AFMID: variants seen among roughly 807,000 people sequenced by gnomAD.
The protein encoded by AFMID is arylformamidase.
A neutral mutation model predicts 47.5 loss-of-function variants in AFMID; 39 were observed. The observed-to-expected ratio is 0.82, with a 90% CI of 0.64 to 1.07. The LOEUF (loss-of-function observed/expected upper bound fraction) is 1.07, where lower values mean the gene tolerates loss of function less well. Ranked by LOEUF, AFMID falls within the 50% of genes least tolerant of loss-of-function variation. AFMID has a pLI of 0.00. For missense variants in AFMID, 375 were observed against 387.5 expected (o/e 0.97, Z 0.27); for synonymous variants, 130 against 153.2 (o/e 0.85, Z 1.12).
intron 2 of AFMID, among the ~76,000 whole-genome samples, chr17:78,195,788 G>A (rs530506214): frequency 1.3e-5 from 2 of 152,170 alleles, no homozygotes; most frequent in South Asian, 2.1e-4. Context: ...GAGCCACCAC[G>A]CCCGGCCTTG....
chr17:78,202,942 T>C, intron 4 of AFMID, 191 bp downstream of exon 4: 1 of 663,268 alleles, frequency 1.5e-6, no homozygotes, highest in South Asian at 1.8e-5. Context: ...CCTTCCTGCC[T>C]TCTCCAGCTT....
At position 78,205,164 on chromosome 17, in the gene AFMID, A is replaced by C. The variant is rs1599016299; in HGVS notation, c.539A>C (p.Lys180Thr). 5 of 1,612,784 alleles carry C rather than the reference A, an allele frequency of 3.1e-6. No individual in the cohort carries two copies. Among genetic ancestry groups the C allele is most frequent in the Non-Finnish European group, 4.2e-6 (5 of 1,179,506 alleles). Reference sequence around the variant, plus strand: ...ATGATGCTCCTGGCCGACTGGACCAAGCATGGGGTCACGCCCAACCTCAGA... The same window carrying C: ...ATGATGCTCCTGGCCGACTGGACCACGCATGGGGTCACGCCCAACCTCAGA... Reference protein sequence around the residue: ...AAMMLLADWTKHGVTPNLRGF... With the variant: ...AAMMLLADWTTHGVTPNLRGF... The change falls in exon 7 of 11, where the codon AAG (lysine) becomes ACG (threonine). Residue 180 changes from lysine to threonine, a missense_variant. Transcript: ENST00000409257.
At chr17:78,188,372 G>T (rs1241798433) in intron 1 of AFMID, among the ~76,000 whole-genome samples, 7 of 152,224 alleles carry the variant, frequency 4.6e-5, no homozygotes, top group Admixed American at 1.3e-4. Context: ...TGACTGGCTT[G>T]CTTTATTTTA....
chr17:78,205,735 C>T lies in AFMID; in HGVS notation c.777C>T (p.Tyr259=). The change falls in exon 9 of 11, where the codon TAC becomes TAT. Residue 259 remains tyrosine (Y), a synonymous_variant. Transcript: ENST00000409257. ...TCCACCGACAGTCCTGGGAGTTTTA[C>T]CAGGTACTCCCAGTGCAGGTTTGTG... is the stretch of plus-strand genomic sequence containing the variant. ...PEFHRQSWEF[Y]QTLCQGEWKA... is the part of the protein sequence containing the mutation. 6.2e-7 allele frequency: 1 copy of T among 1,608,784 alleles called. No homozygotes were observed. The highest frequency in any genetic ancestry group is 1.1e-5 in the South Asian group (1 of 91,080).
intron 2 of AFMID, among the ~76,000 whole-genome samples, chr17:78,192,445 G>T (rs1413323179): frequency 6.6e-6 from 1 of 151,250 alleles, no homozygotes; most frequent in Non-Finnish European, 1.5e-5. Context: ...CTCCTGAGTA[G>T]CTGGGATTAC....
intron 1 of AFMID, 129 bp from the exon 2 acceptor site, chr17:78,190,841 C>A: frequency 1.3e-6 from 1 of 752,064 alleles, no homozygotes; most frequent in Non-Finnish European, 2.2e-6. Context: ...CTGAGGGCAT[C>A]TTGGAGACCC....
At chr17:78,201,753 T>C (rs936646206) in intron 2 of AFMID, among the ~76,000 whole-genome samples, 2 of 152,008 alleles carry the variant, frequency 1.3e-5, no homozygotes, top group Non-Finnish European at 2.9e-5. Context: ...TTTTTTGAGT[T>C]GGCGTCTCGC....
chr17:78,199,549 A>G (rs1450403552), intron 2 of AFMID, among the ~76,000 whole-genome samples: 4 of 151,122 alleles, frequency 2.6e-5, no homozygotes, highest in African/African-American at 9.7e-5. Context: ...TAATTTTTGT[A>G]TTTTTAGTAG....
At chr17:78,190,764 A>G (rs2075944006) in intron 1 of AFMID, 1 of 524,880 alleles carries the variant, frequency 1.9e-6, no homozygotes, top group African/African-American at 1.9e-5. Flanking sequence ...GGGGGACCTC[A>G]TCTCCCCTTA....
chr17:78,199,398 GACA>G, intron 2 of AFMID, among the ~76,000 whole-genome samples: 1 of 144,190 alleles, frequency 6.9e-6, no homozygotes, highest in East Asian at 2.3e-4. Flanking sequence ...TTTTTTTTGA[GACA>G]GTCTTGCTCT....
At position 78,207,571 on chromosome 17, in the gene AFMID, T is replaced by C. The variant is rs60968356; in HGVS notation, c.*634T>C. 14,291 of 152,402 alleles carry C rather than the reference T, an allele frequency of 0.094. 896 individuals are homozygous for C. The highest frequency in any genetic ancestry group is 0.34 in the East Asian group (1,779 of 5,180). The allele number at this position is 152,402 out of a possible 1,614,324, so 9.4% of individuals were successfully genotyped here. A position where few individuals can be genotyped will look rare whatever the true frequency, so the allele number is the denominator to read the frequency against. On this transcript the variant is annotated 3_prime_UTR_variant, in exon 11 of 11. Transcript: ENST00000409257. Reference sequence around the variant, plus strand: ...TGCTGGGATTCCAGGCGTGAGCCACTGCGCCCGGCCAGAATGGCATTATAT... The same window carrying C: ...TGCTGGGATTCCAGGCGTGAGCCACCGCGCCCGGCCAGAATGGCATTATAT...
At chr17:78,198,991 AC>A (rs1567849551) in intron 2 of AFMID, among the ~76,000 whole-genome samples, 2 of 152,030 alleles carry the variant, frequency 1.3e-5, no homozygotes, top group Non-Finnish European at 2.9e-5. Flanking sequence ...ACACAGTTCC[AC>A]CCTGCCAGTT....
At chr17:78,187,987 A>AAAAAAAAAAAAAAAC (rs2075847157) in intron 1 of AFMID, among the ~76,000 whole-genome samples, 1 of 144,418 alleles carries the variant, frequency 6.9e-6, no homozygotes, top group African/African-American at 2.5e-5. Flanking sequence ...AAAAAAAAAA[A>AAAAAAAAAAAAAAAC]AATCCATAGA....
chr17:78,202,638 G>T (rs755674077), intron 3 of AFMID, 35 bp downstream of exon 3: 2 of 1,589,772 alleles, frequency 1.3e-6, no homozygotes, highest in South Asian at 2.3e-5. Context: ...CCCGGGGCTT[G>T]GGGGTCCAGT....
At chr17:78,188,716 C>A (rs1167709965) in intron 1 of AFMID, among the ~76,000 whole-genome samples, 1 of 152,192 alleles carries the variant, frequency 6.6e-6, no homozygotes, top group African/African-American at 2.4e-5. Context: ...CCGGCCTCAG[C>A]CTCCTGAGTA....
At chr17:78,199,142 C>T (rs956083355) in intron 2 of AFMID, among the ~76,000 whole-genome samples, 3 of 152,236 alleles carry the variant, frequency 2.0e-5, no homozygotes, top group South Asian at 4.1e-4. Context: ...ACCTCACTGG[C>T]GTTCTGCAAA....
At chr17:78,198,051 A>T (rs1034208532) in intron 2 of AFMID, among the ~76,000 whole-genome samples, 1 of 152,158 alleles carries the variant, frequency 6.6e-6, no homozygotes, top group African/African-American at 2.4e-5. Context: ...CAACATGGCG[A>T]AACCCTGTCC....
intron 2 of AFMID, chr17:78,197,294 A>C (rs753388157): frequency 1.5e-6 from 2 of 1,299,274 alleles, no homozygotes; most frequent in South Asian, 2.7e-5. Context: ...CACAGTGACA[A>C]ATGCGTCTGC....
At position 78,206,056 on chromosome 17, in the gene AFMID, G is replaced by T. The variant is rs199511439; in HGVS notation, c.885+6G>T. Reference sequence around the variant, plus strand: ...AGGACAACGTGCTCACCCAGGTGGGGCCTCATCCCTGGCAGCCCTTTCATG... The same window carrying T: ...AGGACAACGTGCTCACCCAGGTGGGTCCTCATCCCTGGCAGCCCTTTCATG... On this transcript the variant is annotated splice_donor_region_variant and intron_variant, in intron 10 of 10. Transcript: ENST00000409257. 27 of 1,613,280 alleles carry T rather than the reference G, an allele frequency of 1.7e-5. No individual in the cohort carries two copies. Among genetic ancestry groups the T allele is most frequent in the Non-Finnish European group, 2.1e-5 (25 of 1,179,350 alleles).
Sources: gnomAD v4.1 joint callset for allele counts (sites outside exome capture counted in the v4.1 genomes callset) on GRCh38, gnomAD v4.1.1 for gene constraint, MANE v1.5 for transcripts, NCBI Gene and HGNC (gene_info 2026-07-23, HGNC 2026-07-21) for gene names.